The following BBOF1 variants were observed in gnomAD, a reference collection of about 807,000 sequenced individuals.
The protein encoded by BBOF1 is basal body orientation factor 1.
In BBOF1, 62 loss-of-function variants were observed where a neutral mutation model predicts 68.0. That is an observed-to-expected ratio of 0.91 (90% CI 0.74 to 1.13). The LOEUF (loss-of-function observed/expected upper bound fraction) is 1.13, where lower values mean the gene tolerates loss of function less well. Ranked by LOEUF, BBOF1 falls within the 50% of genes most tolerant of loss-of-function variation. The pLI is 0.00. For synonymous variants in BBOF1, 208 were observed against 198.8 expected (o/e 1.05, Z -0.39); for missense variants, 534 against 600.1 (o/e 0.89, Z 1.15).
intron 4 of BBOF1, among the ~76,000 whole-genome samples, chr14:74,035,520 G>A (rs559060602): frequency 3.4e-5 from 5 of 146,518 alleles, no homozygotes; most frequent in East Asian, 2.0e-4. Context: ...GGGTTCAAGC[G>A]ATTCTCGCTG....
intron 9 of BBOF1, 99 bp downstream of exon 9, chr14:74,055,784 C>A: frequency 1.2e-6 from 1 of 821,264 alleles, no homozygotes; most frequent in Non-Finnish European, 1.9e-6. Flanking sequence ...ACTAAAGGGA[C>A]GGGAAAGGAC....
intron 9 of BBOF1, among the ~76,000 whole-genome samples, chr14:74,055,963 C>T (rs941743222): frequency 6.6e-6 from 1 of 151,980 alleles, no homozygotes; most frequent in African/African-American, 2.4e-5. Context: ...TACAATATTG[C>T]TCAGCTGAAT....
At position 74,042,859 on chromosome 14, in the gene BBOF1, C is replaced by G. The variant is rs181173696; in HGVS notation, c.576+2214C>G. Reference sequence around the variant, plus strand: ...TCTCGCTCTGTTTCTCTCTCTCTCTCTTATACACACACACACACAGACACA... The same window carrying G: ...TCTCGCTCTGTTTCTCTCTCTCTCTGTTATACACACACACACACAGACACA... On this transcript the variant is annotated intron_variant, in intron 5 of 11. Coordinates refer to ENST00000394009, the MANE Select transcript of BBOF1 (RefSeq NM_025057.3). Among the ~76,000 whole-genome samples, 448 of 133,276 alleles carry G rather than the reference C, an allele frequency of 3.4e-3. 3 individuals carry two copies. The highest frequency in any genetic ancestry group is 0.015 in the Middle Eastern group (4 of 274). The allele number at this position is 133,276 out of a possible 152,430, so 87.4% of individuals were successfully genotyped here. A position where few individuals can be genotyped will look rare whatever the true frequency, so the allele number is the denominator to read the frequency against.
chr14:74,048,049 G>A lies in BBOF1; in HGVS notation c.767G>A (p.Ser256Asn). Reference protein sequence around the residue: ...LQKNSQKLQESHTLLLHQKEI... With the variant: ...LQKNSQKLQENHTLLLHQKEI... ...AAAAACTCCCAGAAGTTGCAAGAGA[G>A]TCATACTTTACTTTTACATCAAAAG... is the stretch of plus-strand genomic sequence containing the variant. Residue 256 changes from serine to asparagine, a missense_variant, in exon 7 of 12, where the codon AGT (serine) becomes AAT (asparagine). By Grantham distance (46) the Ser-to-Asn change is conservative. Transcript: ENST00000394009. The A allele has an allele frequency of 6.2e-7, 1 of 1,612,412 alleles. No homozygotes were observed. Among genetic ancestry groups the A allele is most frequent in the Admixed American group, 1.7e-5 (1 of 59,702 alleles).
Position 74,049,706 on chromosome 14 carries a change from T to A in BBOF1, c.797T>A (p.Ile266Asn). 1.3e-6 allele frequency: 2 copies of A among 1,594,826 alleles called. No homozygotes were observed. The highest frequency in any genetic ancestry group is 1.7e-6 in the Non-Finnish European group (2 of 1,172,506). Reference sequence around the variant, plus strand: ...CTCTCATCTTTCTGTTTTTAGGAGATCAATGATCTGTTGGTTAAGGAAAAG... The same window carrying A: ...CTCTCATCTTTCTGTTTTTAGGAGAACAATGATCTGTTGGTTAAGGAAAAG... ...SHTLLLHQKE[I>N]NDLLVKEKIM... The change falls in exon 8 of 12, where the codon ATC (isoleucine) becomes AAC (asparagine). Residue 266 changes from isoleucine (I) to asparagine (N), a missense_variant. By Grantham distance (149) the Ile-to-Asn change is moderately radical (BLOSUM62 -3). Transcript: ENST00000394009.
chr14:74,040,529 T>C, intron 4 of BBOF1, 36 bp from the exon 5 acceptor site: 1 of 1,317,630 alleles, frequency 7.6e-7, no homozygotes, highest in East Asian at 2.5e-5. Flanking sequence ...CCATTTTCTA[T>C]TGATCATTTT....
chr14:74,046,320 GC>G (rs1263912344), intron 6 of BBOF1, among the ~76,000 whole-genome samples, 190 bp downstream of exon 6: 1 of 152,004 alleles, frequency 6.6e-6, no homozygotes, highest in Non-Finnish European at 1.5e-5. Flanking sequence ...TCTTTCTGTG[GC>G]AGCATTGTGT....
At chr14:74,041,755 G>T (rs1347335286) in intron 5 of BBOF1, among the ~76,000 whole-genome samples, 1 of 152,024 alleles carries the variant, frequency 6.6e-6, no homozygotes, top group African/African-American at 2.4e-5. Flanking sequence ...GGTCTTGCTG[G>T]GCCTGGTGTG....
chr14:74,043,579 A>T (rs1233553305), intron 5 of BBOF1, among the ~76,000 whole-genome samples: 2 of 149,920 alleles, frequency 1.3e-5, no homozygotes, highest in Non-Finnish European at 3.0e-5. Flanking sequence ...AAAAAAAAAA[A>T]AAAAAGACAG....
At chr14:74,069,262 C>T (rs960732793), downstream of BBOF1, 1 of 364,860 alleles carries the variant, frequency 2.7e-6, no homozygotes, top group Non-Finnish European at 5.3e-6. Flanking sequence ...CACCACCATG[C>T]CTGCCTAATT....
Position 74,063,744 on chromosome 14 carries a change from TA to T in BBOF1, c.1579-942del, listed in dbSNP as rs535197521. On this transcript the variant is annotated intron_variant, in intron 11 of 11. Transcript: ENST00000394009. ...AGCCAAGTGTGGTGGTGGGCATCTG[TA>T]ATCCCAGCTACTTGGGAGGCTGAGG... Among the ~76,000 whole-genome samples, 15 of 151,180 alleles carry T rather than the reference TA, an allele frequency of 9.9e-5. No individual in the cohort carries two copies. In the East Asian group the frequency reaches 3.0e-3, roughly 30 times the overall value.
chr14:74,076,618 C>A (rs1251205495), intron 9 of BBOF1, among the ~76,000 whole-genome samples: 1 of 152,180 alleles, frequency 6.6e-6, no homozygotes, highest in East Asian at 1.9e-4. Context: ...CTCACTGCAA[C>A]CTCCACCTCC....
At chr14:74,075,159 G>T (rs1047524439) in intron 9 of BBOF1, 105 of 724,366 alleles carry the variant, frequency 1.4e-4, no homozygotes, top group Admixed American at 1.3e-3. Context: ...AAAGAGAAAA[G>T]ATATGAATCT....
chr14:74,038,586 A>C (rs1359632452), intron 4 of BBOF1, among the ~76,000 whole-genome samples: 1 of 152,226 alleles, frequency 6.6e-6, no homozygotes, highest in Non-Finnish European at 1.5e-5. Context: ...TGAATTTTAA[A>C]TTAGGAGGTA....
downstream of BBOF1, chr14:74,067,634 A>G (rs919815057): frequency 2.9e-5 from 45 of 1,554,256 alleles, no homozygotes; most frequent in Non-Finnish European, 3.8e-5. Flanking sequence ...TAAGAAATTA[A>G]GCAGTGGACC....
chr14:74,020,729 C>T (rs1403057726), intron 1 of BBOF1, among the ~76,000 whole-genome samples: 2 of 152,124 alleles, frequency 1.3e-5, no homozygotes, highest in Non-Finnish European at 2.9e-5. Flanking sequence ...GTCTCGAACT[C>T]CTGACTTCAG....
chr14:74,072,284 A>G (rs2060561010), intron 9 of BBOF1: 1 of 1,614,230 alleles, frequency 6.2e-7, no homozygotes, highest in Non-Finnish European at 8.5e-7. Context: ...ATGCAGGAAA[A>G]GCACGTTTGC....
At chr14:74,032,737 C>T (rs561874130) in intron 3 of BBOF1, among the ~76,000 whole-genome samples, 12 of 152,168 alleles carry the variant, frequency 7.9e-5, no homozygotes, top group African/African-American at 2.9e-4. Flanking sequence ...CGTGATCCAC[C>T]CGCCTCAGCC....
At chr14:74,019,929 C>T (rs900146585) in intron 1 of BBOF1, among the ~76,000 whole-genome samples, 3 of 152,198 alleles carry the variant, frequency 2.0e-5, no homozygotes, top group African/African-American at 4.8e-5. Flanking sequence ...TATTGGGGGA[C>T]CCCGGTGGTT....
Sources: allele counts gnomAD v4.1 joint callset (sites outside exome capture counted in the v4.1 genomes callset), GRCh38; gene constraint gnomAD v4.1.1; transcripts MANE v1.5; gene names NCBI Gene and HGNC (gene_info 2026-07-23, HGNC 2026-07-21).